The following PTPRO variants were observed in gnomAD, a reference collection of about 807,000 sequenced individuals.
PTPRO encodes receptor-type tyrosine-protein phosphatase O.
Under a neutral mutation model 145.2 loss-of-function variants are expected in PTPRO, and 62 were observed. The observed-to-expected ratio is 0.43, with a 90% CI of 0.35 to 0.53. The LOEUF is 0.53. Among genes scored for constraint, PTPRO ranks in the 20% least tolerant of loss-of-function variants. The pLI is 0.01. For synonymous variants in PTPRO, 565 were observed against 514.7 expected, an observed-to-expected ratio of 1.10 and a Z score of -1.32; for missense variants, 1,345 against 1,482.7, an observed-to-expected ratio of 0.91 and a Z score of 1.53.
At chr12:15,506,976 A>T (rs1198081991) in intron 6 of PTPRO, among the ~76,000 whole-genome samples, 1 of 152,170 alleles carries the variant, frequency 6.6e-6, no homozygotes, top group Non-Finnish European at 1.5e-5. Context: ...TGCTCCAGGA[A>T]GTCTCATGCA....
chr12:15,592,097 A>G (rs1356773839), intron 25 of PTPRO, among the ~76,000 whole-genome samples: 1 of 151,664 alleles, frequency 6.6e-6, no homozygotes, highest in African/African-American at 2.4e-5. Flanking sequence ...TTTTTTTTTA[A>G]CTTATGTCTA....
chr12:15,546,480 A>G (rs1005130507), intron 12 of PTPRO, 89 bp from the exon 13 acceptor site: 5 of 1,539,976 alleles, frequency 3.2e-6, no homozygotes, highest in Non-Finnish European at 4.4e-6. Flanking sequence ...CTATATTTGA[A>G]TTGGGGGATG....
At chr12:15,448,354 A>AAAAAAAAAAAAAAAAAAAAAAC (rs1940959735) in intron 1 of PTPRO, among the ~76,000 whole-genome samples, 1 of 148,762 alleles carries the variant, frequency 6.7e-6, no homozygotes, top group South Asian at 2.1e-4. Flanking sequence ...AAAAAAAAAA[A>AAAAAAAAAAAAAAAAAAAAAAC]AAAAAAGCAC....
At position 15,540,611 on chromosome 12, in the gene PTPRO, G is replaced by A. The variant is rs146780272; in HGVS notation, c.2165-5958G>A. On this transcript the variant is annotated intron_variant, in intron 12 of 26. Transcript: ENST00000281171. ...ATGTAATAGCTATCAGAGAAAGATG[G>A]GTTTTAGACAATAAACACATTACAT... 4.2e-3 allele frequency among the ~76,000 whole-genome samples: 641 copies of A among 152,224 alleles called. 5 individuals are homozygous for A. Among genetic ancestry groups the A allele is most frequent in the African/African-American group, 0.015 (614 of 41,528 alleles).
intron 1 of PTPRO, among the ~76,000 whole-genome samples, chr12:15,468,657 A>C (rs1941471609): frequency 6.6e-6 from 1 of 152,226 alleles, no homozygotes; most frequent in South Asian, 2.1e-4. Flanking sequence ...GTTATTTAAA[A>C]TAATGTATTT....
intron 8 of PTPRO, 103 bp from the exon 9 acceptor site, chr12:15,516,660 T>C (rs909308379): frequency 2.1e-6 from 2 of 969,324 alleles, no homozygotes; most frequent in Non-Finnish European, 3.3e-6. Flanking sequence ...GTAGGTATTG[T>C]ATCAGAGAGT....
intron 1 of PTPRO, among the ~76,000 whole-genome samples, chr12:15,343,263 C>G (rs1029672220): frequency 3.3e-5 from 5 of 151,976 alleles, no homozygotes; most frequent in African/African-American, 4.8e-5. Flanking sequence ...TGATACTGTG[C>G]TCCATGTATT....
intron 1 of PTPRO, among the ~76,000 whole-genome samples, chr12:15,409,532 A>G (rs1291539183): frequency 1.3e-5 from 2 of 152,170 alleles, no homozygotes; most frequent in East Asian, 3.9e-4. Flanking sequence ...CTATTAGGCT[A>G]TTCTTACATT....
chr12:15,403,253 T>A (rs889419529), intron 1 of PTPRO, among the ~76,000 whole-genome samples: 1 of 152,112 alleles, frequency 6.6e-6, no homozygotes, highest in Non-Finnish European at 1.5e-5. Flanking sequence ...TCTACTGGTG[T>A]GTCTTCTGCC....
chr12:15,455,980 A>G (rs968721695), intron 1 of PTPRO, among the ~76,000 whole-genome samples: 1 of 152,190 alleles, frequency 6.6e-6, no homozygotes, highest in Non-Finnish European at 1.5e-5. Flanking sequence ...CGTTCTGCAC[A>G]TGTATCCCAG....
chr12:15,379,640 G>A (rs562609918), intron 1 of PTPRO, among the ~76,000 whole-genome samples: 250 of 151,014 alleles, frequency 1.7e-3, no homozygotes, highest in African/African-American at 5.8e-3. Context: ...TGCTCAACAT[G>A]TATCAACCTT....
intron 1 of PTPRO, among the ~76,000 whole-genome samples, chr12:15,362,183 A>G (rs1938231019): frequency 6.6e-6 from 1 of 152,228 alleles, no homozygotes; most frequent in South Asian, 2.1e-4. Context: ...ATTGAATCCC[A>G]TTCTTCAAGC....
intron 25 of PTPRO, 47 bp from the exon 26 acceptor site, chr12:15,594,890 T>A: frequency 7.6e-7 from 1 of 1,312,044 alleles, no homozygotes; most frequent in Non-Finnish European, 1.1e-6. Context: ...AAATATTATA[T>A]CTTTGCACAT....
chr12:15,556,941 G>C (rs1943642545), intron 15 of PTPRO, among the ~76,000 whole-genome samples: 1 of 151,920 alleles, frequency 6.6e-6, no homozygotes, highest in Non-Finnish European at 1.5e-5. Flanking sequence ...TTGCAAACTT[G>C]CAAAAGATTA....
intron 1 of PTPRO, among the ~76,000 whole-genome samples, chr12:15,392,577 C>T (rs372947707): frequency 5.3e-5 from 8 of 151,738 alleles, no homozygotes; most frequent in African/African-American, 1.2e-4. Context: ...AAAAATTAGC[C>T]GGGCATAGTG....
chr12:15,434,998 T>C (rs1379505078), intron 1 of PTPRO, among the ~76,000 whole-genome samples: 1 of 152,200 alleles, frequency 6.6e-6, no homozygotes, highest in Non-Finnish European at 1.5e-5. Context: ...TAGTCCTAAC[T>C]CCTACCCTTC....
At chr12:15,515,335 C>G (rs1565677279) in intron 7 of PTPRO, among the ~76,000 whole-genome samples, 163 bp from the exon 8 acceptor site, 1 of 152,124 alleles carries the variant, frequency 6.6e-6, no homozygotes, top group Non-Finnish European at 1.5e-5. Context: ...TTCACATAAA[C>G]TATAAATCAT....
chr12:15,384,080 A>T (rs996043186), intron 1 of PTPRO, among the ~76,000 whole-genome samples: 1 of 152,134 alleles, frequency 6.6e-6, no homozygotes, highest in Admixed American at 6.5e-5. Flanking sequence ...TTGTCCCTAA[A>T]CACAAAAGAT....
At chr12:15,349,896 C>A (rs548151618) in intron 1 of PTPRO, among the ~76,000 whole-genome samples, 6 of 152,024 alleles carry the variant, frequency 3.9e-5, no homozygotes, top group Non-Finnish European at 8.8e-5. Flanking sequence ...GATTTGAGTT[C>A]TAGGGGAAAG....
Sources: gnomAD v4.1 joint callset for allele counts (sites outside exome capture counted in the v4.1 genomes callset) on GRCh38, gnomAD v4.1.1 for gene constraint, MANE v1.5 for transcripts, NCBI Gene and HGNC (gene_info 2026-07-23, HGNC 2026-07-21) for gene names.